PRRX2: variants seen among roughly 807,000 people sequenced by gnomAD.
The protein encoded by PRRX2 is paired mesoderm homeobox protein 2.
In PRRX2, 11 loss-of-function variants were observed where a neutral mutation model predicts 18.0. The ratio of observed to expected loss-of-function variants is 0.61; its 90% CI spans 0.39 to 1.01. The LOEUF is 1.01. PRRX2 is among the 50% of genes least tolerant of loss of function. The probability of loss-of-function intolerance (pLI) is 0.01; values close to 1 mark genes in which losing one functional copy is unlikely to be tolerated. For missense variants in PRRX2, 387 were observed against 351.0 expected (o/e 1.10, Z -0.82); for synonymous variants, 177 against 154.8 (o/e 1.14, Z -1.06).
intron 1 of PRRX2, among the ~76,000 whole-genome samples, chr9:129,708,341 A>G (rs944209700): frequency 1.3e-5 from 2 of 152,100 alleles, no homozygotes; most frequent in African/African-American, 4.8e-5. Context: ...CACGGCCGTT[A>G]TCTGTCTTTT....
rs113414392 is a variant in PRRX2 at position 129,709,534 on chromosome 9, C to T, written c.260-9697C>T. On this transcript the variant is annotated intron_variant, in intron 1 of 3. Transcript: ENST00000372469. The surrounding 1 kb of genome is among the most constrained non-coding windows in gnomAD (Gnocchi z 4.2). ...CCCAGGTTGGGTGGCCCATGCCTCT[C>T]GCTCTTGTGTGCTGTGCCGAGGCCG... 6.6e-6 allele frequency among the ~76,000 whole-genome samples: 1 copy of T among 152,186 alleles called. No individual in the cohort carries two copies. The highest frequency in any genetic ancestry group is 2.4e-5 in the African/African-American group (1 of 41,450).
At chr9:129,700,977 T>C (rs905492775) in intron 1 of PRRX2, among the ~76,000 whole-genome samples, 6 of 152,212 alleles carry the variant, frequency 3.9e-5, no homozygotes, top group African/African-American at 7.2e-5. Context: ...AAAAGGTTCC[T>C]TCTGGAGAGG....
chr9:129,674,480 G>C (rs2119053814), intron 1 of PRRX2, among the ~76,000 whole-genome samples: 1 of 152,264 alleles, frequency 6.6e-6, no homozygotes. Flanking sequence ...GCTGAGGCCT[G>C]TAGGATTGGG....
chr9:129,669,650 A>C (rs1832075896), intron 1 of PRRX2, among the ~76,000 whole-genome samples: 1 of 152,118 alleles, frequency 6.6e-6, no homozygotes, highest in African/African-American at 2.4e-5. Flanking sequence ...CGGAAGATGA[A>C]GTGCTTGCAT....
intron 1 of PRRX2, among the ~76,000 whole-genome samples, chr9:129,702,574 T>A (rs965673314): frequency 3.3e-5 from 5 of 152,222 alleles, no homozygotes. Context: ...AGAATTTCAT[T>A]GAGATGGCCA....
chr9:129,696,944 C>A (rs1191850250), intron 1 of PRRX2, among the ~76,000 whole-genome samples: 1 of 152,226 alleles, frequency 6.6e-6, no homozygotes, highest in Non-Finnish European at 1.5e-5. Context: ...AGCTGAATGG[C>A]CGCTCTGCAG....
At chr9:129,676,873 A>T (rs1832167451) in intron 1 of PRRX2, among the ~76,000 whole-genome samples, 1 of 152,204 alleles carries the variant, frequency 6.6e-6, no homozygotes, top group Non-Finnish European at 1.5e-5. Context: ...GCTAGGGAGA[A>T]AAATCCAGAG....
intron 1 of PRRX2, among the ~76,000 whole-genome samples, chr9:129,707,991 G>A (rs1233126253): frequency 1.3e-5 from 2 of 152,132 alleles, no homozygotes; most frequent in African/African-American, 2.4e-5. Context: ...AGTGTATGAG[G>A]GTTCTAGTTT....
intron 1 of PRRX2, among the ~76,000 whole-genome samples, chr9:129,694,516 G>T (rs1396324655): frequency 1.3e-5 from 2 of 152,170 alleles, no homozygotes; most frequent in Admixed American, 1.3e-4. Context: ...CTGACATTCT[G>T]TGCTGGCTGC....
At chr9:129,699,435 A>ATG (rs966193468) in intron 1 of PRRX2, among the ~76,000 whole-genome samples, 5 of 142,578 alleles carry the variant, frequency 3.5e-5, no homozygotes, top group African/African-American at 1.4e-4. Flanking sequence ...AAAAAAATAT[A>ATG]TATATGTGTG....
At chr9:129,681,189 T>C (rs1832224726) in intron 1 of PRRX2, among the ~76,000 whole-genome samples, 1 of 152,218 alleles carries the variant, frequency 6.6e-6, no homozygotes, top group South Asian at 2.1e-4. Context: ...TGGCTCCTTT[T>C]CTGCCTAGGA....
chr9:129,715,768 A>T lies in PRRX2; in HGVS notation c.260-3463A>T, dbSNP rs1320777101. Among the ~76,000 whole-genome samples the T allele has an allele frequency of 3.4e-5, 5 of 148,824 alleles. No individual in the cohort carries two copies. In the South Asian group the frequency reaches 6.3e-4, roughly 19 times the overall value. On this transcript the variant is annotated intron_variant, in intron 1 of 3. Coordinates refer to ENST00000372469, the MANE Select transcript of PRRX2 (RefSeq NM_016307.4). The surrounding 1 kb of genome is among the most constrained non-coding windows in gnomAD (Gnocchi z 4.0). Reference sequence around the variant, plus strand: ...ATCTTTCTCACACACACACACACACACACACACACACACACACACACACAC... The same window carrying T: ...ATCTTTCTCACACACACACACACACTCACACACACACACACACACACACAC...
At chr9:129,684,505 CA>C (rs1371728545) in intron 1 of PRRX2, among the ~76,000 whole-genome samples, 3 of 53,744 alleles carry the variant, frequency 5.6e-5, no homozygotes, top group East Asian at 2.4e-4. Context: ...CACACACACA[CA>C]CACACACACA....
At chr9:129,719,531 A>C in intron 2 of PRRX2, 113 bp downstream of exon 2, 2 of 1,289,390 alleles carry the variant, frequency 1.6e-6, no homozygotes, top group Non-Finnish European at 2.0e-6. Flanking sequence ...GGAGCATCTG[A>C]GGCCAGGAGG....
intron 1 of PRRX2, among the ~76,000 whole-genome samples, chr9:129,714,188 C>T (rs1385715094): frequency 1.3e-5 from 2 of 151,652 alleles, no homozygotes; most frequent in East Asian, 4.0e-4. Context: ...GCCTGTAATC[C>T]CAGCTACTCG....
intron 1 of PRRX2, among the ~76,000 whole-genome samples, chr9:129,701,496 G>T (rs567930049): frequency 2.0e-5 from 3 of 152,174 alleles, no homozygotes; most frequent in Non-Finnish European, 4.4e-5. Flanking sequence ...CCAGGAAAGC[G>T]GGATATGGTT....
At chr9:129,719,202 T>G (rs1488535737) in intron 1 of PRRX2, 29 bp from the exon 2 acceptor site, 5 of 1,525,072 alleles carry the variant, frequency 3.3e-6, no homozygotes, top group Non-Finnish European at 4.4e-6. Flanking sequence ...GCCGTCCTGC[T>G]GACCATCCCG....
chr9:129,697,788 C>T (rs1444827041), intron 1 of PRRX2, among the ~76,000 whole-genome samples: 1 of 152,106 alleles, frequency 6.6e-6, no homozygotes, highest in Admixed American at 6.5e-5. Flanking sequence ...CTAGCGCCCC[C>T]GCTGTCTCCA....
intron 1 of PRRX2, among the ~76,000 whole-genome samples, chr9:129,694,188 AGTCTC>A (rs1433579295): frequency 6.6e-6 from 1 of 152,148 alleles, no homozygotes; most frequent in African/African-American, 2.4e-5. Flanking sequence ...TTTCTAAGAC[AGTCTC>A]CCTCTGTGGC....
Sources: allele counts gnomAD v4.1 joint callset (sites outside exome capture counted in the v4.1 genomes callset), GRCh38; gene constraint gnomAD v4.1.1; non-coding constraint Gnocchi (gnomAD v3.1); transcripts MANE v1.5; gene names NCBI Gene and HGNC (gene_info 2026-07-23, HGNC 2026-07-21).